Variants in CSMD2 observed in about 807,000 individuals in gnomAD.
CSMD2 encodes the protein CUB and Sushi multiple domains 2, also known as CUB and sushi domain-containing protein 2.
In CSMD2, 130 loss-of-function variants were observed where a neutral mutation model predicts 398.5. The ratio of observed to expected loss-of-function variants is 0.33; its 90% confidence interval spans 0.28 to 0.38. CSMD2 has a LOEUF of 0.38. CSMD2 is among the 10% of genes least tolerant of loss of function. The pLI is 1.00. For synonymous variants in CSMD2, 1,828 were observed against 1,908.5 expected, an observed-to-expected ratio of 0.96 and a Z score of 1.10; for missense variants, 3,829 against 4,764.9, an observed-to-expected ratio of 0.80 and a Z score of 5.78.
rs180940557 is a variant in CSMD2, at chr1:33,700,394, T to C, written c.3733+123A>G. 8.8e-5 allele frequency: 87 copies of C among 991,806 alleles called. No individual in the cohort carries two copies. The East Asian group carries it at 1.7e-3, about 20-fold the overall frequency. 61.4% of individuals were successfully genotyped at this position (991,806 alleles called of 1,614,324 possible). ...CCATGCATCCACTGATGGATACATA[T>C]TGGATTTTAAAACAGTCTTAAGAGC... On this transcript the variant is annotated intron_variant, in intron 23 of 70. Transcript: ENST00000373381.
chr1:33,961,910 C>T (rs755402001), intron 3 of CSMD2, among the ~76,000 whole-genome samples: 8 of 152,120 alleles, frequency 5.3e-5, no homozygotes, highest in Non-Finnish European at 1.2e-4. Context: ...TATAAATTGC[C>T]CAGCCTCACA....
At chr1:33,812,117 C>T (rs185384359) in intron 9 of CSMD2, among the ~76,000 whole-genome samples, 98 of 152,224 alleles carry the variant, frequency 6.4e-4, no homozygotes, top group Non-Finnish European at 1.2e-3. Context: ...CTCATTCCTG[C>T]GCTTAGCTCA....
intron 25 of CSMD2, among the ~76,000 whole-genome samples, chr1:33,665,385 C>G (rs1055861303): frequency 6.6e-6 from 1 of 150,480 alleles, no homozygotes; most frequent in Non-Finnish European, 1.5e-5. Flanking sequence ...CCCGACCCAA[C>G]GATTCAAAAA....
chr1:33,536,901 G>A (rs953531296), intron 62 of CSMD2, 121 bp downstream of exon 62: 17 of 923,464 alleles, frequency 1.8e-5, no homozygotes, highest in African/African-American at 8.2e-5. Context: ...TTCTTTCTGC[G>A]CTTTCCAAGC....
At chr1:33,661,657 G>T (rs1419716559) in intron 26 of CSMD2, among the ~76,000 whole-genome samples, 4 of 152,210 alleles carry the variant, frequency 2.6e-5, no homozygotes. Flanking sequence ...AAGCATGCAT[G>T]AGTGTTAAAT....
rs1312482621 is a variant in CSMD2 at position 33,540,601 on chromosome 1, C to G, written c.9555G>C (p.Gly3185=). ...ACACCGCGGGCAGGGAGAGCTGGTA[C>G]CCCTCCAGGCAGGCATAAGTCACAC... ...GSSVTYACLE[G]YQLSLPAVFT... is the part of the protein sequence containing the mutation. Residue 3185 remains glycine, a synonymous_variant, in exon 60 of 71, where the codon GGG becomes GGC. Transcript: ENST00000373381. The G allele has an allele frequency of 1.9e-6, 3 of 1,614,202 alleles. No homozygotes were observed. Among genetic ancestry groups the G allele is most frequent in the African/African-American group, 1.3e-5 (1 of 75,044 alleles).
chr1:33,716,806 T>A (rs961711780), intron 19 of CSMD2, among the ~76,000 whole-genome samples: 5 of 152,334 alleles, frequency 3.3e-5, no homozygotes, highest in African/African-American at 1.2e-4. Context: ...GAGAATGCTT[T>A]AGAGACATTC....
chr1:34,121,344 A>G (rs2148470297), intron 1 of CSMD2, among the ~76,000 whole-genome samples: 1 of 152,338 alleles, frequency 6.6e-6, no homozygotes, highest in Non-Finnish European at 1.5e-5. Flanking sequence ...AGATCCATCT[A>G]CTATACAGTC....
rs201941971 is a variant in CSMD2 at position 33,600,963 on chromosome 1, C to T, written c.6758G>A (p.Ser2253Asn). Residue 2253 changes from serine (S) to asparagine (N), a missense_variant, in exon 44 of 71, where the codon AGC becomes AAC. Coordinates refer to ENST00000373381, the MANE Select transcript of CSMD2 (RefSeq NM_001281956.2). Reference sequence around the variant, plus strand: ...ACTCTGCACTGTTTTCTTGGCCATGCTCCGGGTGAAGACGCCGAGCCGTGG... The same window carrying T: ...ACTCTGCACTGTTTTCTTGGCCATGTTCCGGGTGAAGACGCCGAGCCGTGG... ...TAPRLGVFTR[S>N]MAKKTVQSSS... 4 of 1,614,170 alleles carry T rather than the reference C, an allele frequency of 2.5e-6. No homozygotes were observed. The highest frequency in any genetic ancestry group is 2.5e-6 in the Non-Finnish European group (3 of 1,180,034).
At chr1:33,917,654 C>G (rs1239155004) in intron 5 of CSMD2, among the ~76,000 whole-genome samples, 1 of 152,164 alleles carries the variant, frequency 6.6e-6, no homozygotes, top group Admixed American at 6.5e-5. Context: ...TATCAGGACC[C>G]TTGGAGTGGG....
intron 35 of CSMD2, 139 bp from the exon 36 acceptor site, chr1:33,623,605 T>G: frequency 1.6e-6 from 1 of 629,772 alleles, no homozygotes; most frequent in Non-Finnish European, 2.8e-6. Context: ...CTAGTCCCTT[T>G]CAATAAAAGT....
At chr1:33,939,655 C>T (rs1446625494) in intron 3 of CSMD2, among the ~76,000 whole-genome samples, 2 of 152,338 alleles carry the variant, frequency 1.3e-5, no homozygotes, top group African/African-American at 2.4e-5. Context: ...TAAAAAGTCA[C>T]TCTCAAAAGC....
chr1:33,915,590 T>C (rs12741054), intron 5 of CSMD2, among the ~76,000 whole-genome samples: 14,351 of 152,240 alleles, frequency 0.094, 885 homozygotes, highest in Non-Finnish European at 0.14. Flanking sequence ...TCCAAAAGTT[T>C]GGACAACGTG....
At chr1:33,600,810 T>G (rs766298774) in intron 44 of CSMD2, 55 bp downstream of exon 44, 24 of 1,577,122 alleles carry the variant, frequency 1.5e-5, no homozygotes, top group Non-Finnish European at 1.7e-5. Flanking sequence ...GGAGTCAAGC[T>G]CAGCCTTGAC....
intron 29 of CSMD2, among the ~76,000 whole-genome samples, chr1:33,643,887 A>C: frequency 7.6e-6 from 1 of 130,996 alleles, no homozygotes; most frequent in East Asian, 2.1e-4. Flanking sequence ...GTAGTCTGGG[A>C]ATGAAGGAAG....
intron 12 of CSMD2, among the ~76,000 whole-genome samples, chr1:33,787,650 G>A (rs571161526): frequency 2.0e-5 from 3 of 152,306 alleles, no homozygotes; most frequent in African/African-American, 7.2e-5. Context: ...TAGACTTGAT[G>A]TGTCTGTCCC....
intron 25 of CSMD2, among the ~76,000 whole-genome samples, chr1:33,670,270 C>T (rs952978417): frequency 6.6e-6 from 1 of 152,110 alleles, no homozygotes; most frequent in African/African-American, 2.4e-5. Flanking sequence ...GCCAGTGTCT[C>T]ATTCACTTCT....
intron 22 of CSMD2, among the ~76,000 whole-genome samples, chr1:33,706,830 ATG>A (rs1198618102): frequency 2.7e-5 from 4 of 149,970 alleles, no homozygotes; most frequent in African/African-American, 4.9e-5. Flanking sequence ...GTGCGTGTGT[ATG>A]TGTGTGTGCG....
At chr1:33,784,482 C>T (rs185180599) in intron 12 of CSMD2, among the ~76,000 whole-genome samples, 1 of 152,342 alleles carries the variant, frequency 6.6e-6, no homozygotes, top group East Asian at 1.9e-4. Context: ...CCCAACTTAG[C>T]CCCTTGAATT....
Sources: allele counts gnomAD v4.1 joint callset (sites outside exome capture counted in the v4.1 genomes callset), GRCh38; gene constraint gnomAD v4.1.1; transcripts MANE v1.5; gene names NCBI Gene and HGNC (gene_info 2026-07-23, HGNC 2026-07-21).